CENPC: variants seen among roughly 807,000 people sequenced by gnomAD.
The protein encoded by CENPC is centromere protein C.
In CENPC, 63 loss-of-function variants were observed where a neutral mutation model predicts 112.1. The ratio of observed to expected loss-of-function variants is 0.56; its 90% confidence interval spans 0.46 to 0.69. The LOEUF is 0.69. Among genes scored for constraint, CENPC ranks in the 30% least tolerant of loss-of-function variants. CENPC has a pLI of 0.00. For synonymous variants in CENPC, 333 were observed against 367.6 expected, an observed-to-expected ratio of 0.91 and a Z score of 1.08; for missense variants, 1,000 against 1,103.8, an observed-to-expected ratio of 0.91 and a Z score of 1.33.
chr4:67,473,554 G>GTTTTGT (rs963996959), intron 18 of CENPC, among the ~76,000 whole-genome samples: 3 of 151,986 alleles, frequency 2.0e-5, no homozygotes, highest in Admixed American at 6.6e-5. Context: ...TAGACACTTT[G>GTTTTGT]TTTTGTTTTT....
rs922307054 is a variant in CENPC, at chr4:67,471,940, C to T, written c.*665G>A. 6.6e-6 allele frequency: 1 copy of T among 152,152 alleles called. No individual in the cohort carries two copies. The highest frequency in any genetic ancestry group is 1.5e-5 in the Non-Finnish European group (1 of 68,028). The allele number at this position is 152,152 out of a possible 1,614,324, so 9.4% of individuals were successfully genotyped here. A position where few individuals can be genotyped will look rare whatever the true frequency, so the allele number is the denominator to read the frequency against. On this transcript the variant is annotated 3_prime_UTR_variant, in exon 19 of 19. Transcript: ENST00000273853. The stretch of plus-strand genomic sequence containing the variant: ...ATATACTAAATAGATGTCATGCCAA[C>T]ACAGACACACAAGGTGAGAATACCA...
intron 18 of CENPC, among the ~76,000 whole-genome samples, chr4:67,473,692 T>C (rs1475328423): frequency 1.3e-5 from 2 of 152,082 alleles, no homozygotes; most frequent in East Asian, 1.9e-4. Context: ...GCTAGGACTA[T>C]AGGTGTGTAT....
Position 67,508,914 on chromosome 4 carries a change from C to T in CENPC, c.1804G>A (p.Gly602Ser). 6.2e-7 allele frequency: 1 copy of T among 1,613,696 alleles called. No individual in the cohort carries two copies. Reference sequence around the variant, plus strand: ...GAAATTTCATCATGACCAACGATACCTCCAGAACCTTCAGCATTTAAAAAC... The same window carrying T: ...GAAATTTCATCATGACCAACGATACTTCCAGAACCTTCAGCATTTAAAAAC... The part of the protein sequence containing the change: ...QKFLNAEGSG[G>S]IVGHDEISRC... Residue 602 changes from glycine to serine, a missense_variant, in exon 10 of 19, where the codon GGT (glycine) becomes AGT (serine). Physicochemically the swap from Gly to Ser is moderately conservative, Grantham distance 56. Transcript: ENST00000273853.
intron 17 of CENPC, among the ~76,000 whole-genome samples, chr4:67,484,897 T>C (rs1846061): frequency 0.63 from 95,054 of 151,800 alleles, 29,985 homozygotes; most frequent in East Asian, 0.81. Context: ...ATCGAGACCA[T>C]CCTGGCTAAC....
intron 11 of CENPC, 23 bp downstream of exon 11, chr4:67,506,765 T>C (rs1395720618): frequency 2.6e-6 from 4 of 1,544,572 alleles, no homozygotes; most frequent in Admixed American, 4.1e-5. Context: ...TATACAACTA[T>C]TATCCTTACA....
At chr4:67,510,104 T>C (rs1376466486) in intron 9 of CENPC, among the ~76,000 whole-genome samples, 1 of 152,168 alleles carries the variant, frequency 6.6e-6, no homozygotes, top group Non-Finnish European at 1.5e-5. Flanking sequence ...ATCTGGGAAT[T>C]TGAAATGTAA....
At chr4:67,472,847 C>T (rs1453934397) in intron 18 of CENPC, among the ~76,000 whole-genome samples, 172 bp from the exon 19 acceptor site, 1 of 152,122 alleles carries the variant, frequency 6.6e-6, no homozygotes, top group East Asian at 1.9e-4. Flanking sequence ...CTAACCATGA[C>T]ACGTGATCCA....
Position 67,508,874 on chromosome 4 carries a change from C to CT in CENPC, c.1843dup (p.Ser615LysfsTer2). ...TGCCTCATCACTTTCCAATGGCTCA[C>CT]TCAGCGAACATCTGGAAATTTCATC... On this transcript the variant is annotated frameshift_variant, in exon 10 of 19. Coordinates refer to ENST00000273853, the MANE Select transcript of CENPC (RefSeq NM_001812.4). LOFTEE classifies it high-confidence loss of function. 6.2e-7 allele frequency: 1 copy of CT among 1,613,646 alleles called. No homozygotes were observed. The highest frequency in any genetic ancestry group is 8.5e-7 in the Non-Finnish European group (1 of 1,179,750).
At chr4:67,540,912 A>T (rs1578010216) in intron 3 of CENPC, 68 bp downstream of exon 3, 1 of 636,362 alleles carries the variant, frequency 1.6e-6, no homozygotes, top group Non-Finnish European at 2.4e-6. Flanking sequence ...ATTTGATATT[A>T]ATTACCATGA....
intron 17 of CENPC, among the ~76,000 whole-genome samples, chr4:67,476,295 C>T (rs1724802621): frequency 6.6e-6 from 1 of 152,180 alleles, no homozygotes; most frequent in African/African-American, 2.4e-5. Flanking sequence ...AAAGAAATGG[C>T]TTGCTGCTGC....
At chr4:67,520,161 T>C (rs569182039) in intron 5 of CENPC, among the ~76,000 whole-genome samples, 3 of 152,210 alleles carry the variant, frequency 2.0e-5, no homozygotes, top group Admixed American at 2.0e-4. Context: ...ACCGAAGACC[T>C]AATGAGGAAA....
chr4:67,509,231 C>G, intron 9 of CENPC, 126 bp from the exon 10 acceptor site: 2 of 597,138 alleles, frequency 3.3e-6, no homozygotes, highest in South Asian at 4.3e-5. Flanking sequence ...CACACACACA[C>G]ACACACACAC....
chr4:67,483,102 C>A (rs1002976573), intron 17 of CENPC, among the ~76,000 whole-genome samples: 2 of 152,186 alleles, frequency 1.3e-5, no homozygotes, highest in African/African-American at 2.4e-5. Flanking sequence ...GCTTCCCCTT[C>A]TGCCATAATT....
intron 7 of CENPC, among the ~76,000 whole-genome samples, chr4:67,514,918 T>A (rs1025044059): frequency 2.6e-5 from 4 of 151,554 alleles, no homozygotes; most frequent in Non-Finnish European, 5.9e-5. Flanking sequence ...AATCTAGACA[T>A]CAACAAATTT....
rs1186249056 is a variant in CENPC at position 67,545,462 on chromosome 4, C to G, written c.-107G>C. The G allele has an allele frequency of 4.8e-6, 6 of 1,241,088 alleles. No individual in the cohort carries two copies. The Admixed American group carries it at 1.4e-4, about 30-fold the overall frequency. The allele number at this position is 1,241,088 out of a possible 1,614,324, so 76.9% of individuals were successfully genotyped here. The stretch of plus-strand genomic sequence containing the variant: ...GAATCGCCGGAATACCAGGCCGCGG[C>G]CAAGCAATAACCTTAAGTCTCAGGC... On this transcript the variant is annotated 5_prime_UTR_variant, in exon 1 of 19. Coordinates refer to ENST00000273853, the MANE Select transcript of CENPC (RefSeq NM_001812.4).
At chr4:67,544,859 C>G (rs1726984084) in intron 1 of CENPC, among the ~76,000 whole-genome samples, 1 of 152,142 alleles carries the variant, frequency 6.6e-6, no homozygotes, top group African/African-American at 2.4e-5. Context: ...TCGAGACGTA[C>G]TTGTTACATA....
At chr4:67,473,040 C>T (rs1004481095) in intron 18 of CENPC, among the ~76,000 whole-genome samples, 12 of 152,020 alleles carry the variant, frequency 7.9e-5, no homozygotes, top group African/African-American at 2.9e-4. Context: ...ATAAAAGGTA[C>T]AATGTTAAGT....
chr4:67,520,022 C>A (rs910659642), intron 5 of CENPC, among the ~76,000 whole-genome samples: 51 of 152,280 alleles, frequency 3.3e-4, no homozygotes, highest in Middle Eastern at 3.4e-3. Context: ...CAGAAACAGA[C>A]AAGCCTTAGG....
intron 8 of CENPC, among the ~76,000 whole-genome samples, chr4:67,513,863 A>G (rs1452128029): frequency 1.3e-5 from 2 of 152,048 alleles, no homozygotes; most frequent in Non-Finnish European, 2.9e-5. Flanking sequence ...CCCTCTATAT[A>G]TACTGCCATC....
Sources: gnomAD v4.1 joint callset for allele counts (sites outside exome capture counted in the v4.1 genomes callset) on GRCh38, gnomAD v4.1.1 for gene constraint, MANE v1.5 for transcripts, NCBI Gene and HGNC (gene_info 2026-07-23, HGNC 2026-07-21) for gene names.